The following PDGFRL variants were observed in gnomAD, a reference collection of about 807,000 sequenced individuals.
PDGFRL encodes platelet derived growth factor receptor like, also known as platelet-derived growth factor receptor-like protein.
A neutral mutation model predicts 37.2 loss-of-function variants in PDGFRL; 46 were observed. That is an observed-to-expected ratio of 1.24 (90% CI 0.98 to 1.58). The LOEUF (loss-of-function observed/expected upper bound fraction) is 1.58. Ranked by LOEUF, PDGFRL falls within the 40% of genes most tolerant of loss-of-function variation. PDGFRL has a pLI of 0.00. For synonymous variants in PDGFRL, 251 were observed against 184.3 expected, an observed-to-expected ratio of 1.36 and a Z score of -2.93; for missense variants, 692 against 467.6, an observed-to-expected ratio of 1.48 and a Z score of -4.43.
chr8:17,638,293 A>G (rs1201595940), intron 5 of PDGFRL, among the ~76,000 whole-genome samples: 1 of 152,058 alleles, frequency 6.6e-6, no homozygotes, highest in African/African-American at 2.4e-5. Flanking sequence ...TCGTGATTTC[A>G]TTCTTGACCC....
rs1554556121 is a variant in PDGFRL at position 17,639,048 on chromosome 8, C to CA, written c.940-3562dup. On this transcript the variant is annotated intron_variant, in intron 5 of 5. Transcript: ENST00000251630. ...TGGCCGACAGAGTGAGACTCTGTCT[C>CA]AAACAAAACAAAACAAACAAAAAGA... Among the ~76,000 whole-genome samples the CA allele has an allele frequency of 1.3e-3, 196 of 150,676 alleles. No individual in the cohort carries two copies. In the Middle Eastern group the frequency reaches 0.014, roughly 11 times the overall value.
intron 2 of PDGFRL, among the ~76,000 whole-genome samples, chr8:17,599,455 T>C (rs954922898): frequency 1.3e-5 from 2 of 152,214 alleles, no homozygotes; most frequent in African/African-American, 4.8e-5. Context: ...GCTCTGTCAT[T>C]TCTACTGAAC....
intron 2 of PDGFRL, among the ~76,000 whole-genome samples, chr8:17,592,093 T>G (rs912098569): frequency 6.6e-6 from 1 of 152,092 alleles, no homozygotes; most frequent in East Asian, 1.9e-4. Context: ...CTCCTCCCTC[T>G]CCCCCACACT....
At chr8:17,584,596 A>T (rs1377451824) in intron 1 of PDGFRL, among the ~76,000 whole-genome samples, 1 of 152,120 alleles carries the variant, frequency 6.6e-6, no homozygotes, top group African/African-American at 2.4e-5. Context: ...GGGTCCTGCG[A>T]GCCATGTGAA....
rs573144585 is a variant in PDGFRL at position 17,628,507 on chromosome 8, C to T, written c.526C>T (p.Pro176Ser). Reference sequence around the variant, plus strand: ...TGCAGAGAAAGGAGAACTCTTTGTACCTTCTCCCAGCTACTTCGATGTTGT... The same window carrying T: ...TGCAGAGAAAGGAGAACTCTTTGTATCTTCTCCCAGCTACTTCGATGTTGT... ...FFTEKGELFV[P>S]SPSYFDVVYL... Residue 176 changes from proline to serine, a missense_variant, in exon 4 of 6, where the codon CCT becomes TCT. Pro to Ser is a moderately conservative substitution (Grantham distance 74). Transcript: ENST00000251630. 6.2e-7 allele frequency: 1 copy of T among 1,613,590 alleles called. No homozygotes were observed. The highest frequency in any genetic ancestry group is 1.7e-5 in the Admixed American group (1 of 60,018).
At chr8:17,599,573 G>A (rs1292771020) in intron 2 of PDGFRL, among the ~76,000 whole-genome samples, 1 of 152,180 alleles carries the variant, frequency 6.6e-6, no homozygotes, top group Non-Finnish European at 1.5e-5. Flanking sequence ...GTCTGCACAT[G>A]GACCCTGAGG....
chr8:17,640,125 A>G (rs1285886798), intron 5 of PDGFRL, among the ~76,000 whole-genome samples: 1 of 152,154 alleles, frequency 6.6e-6, no homozygotes, highest in Non-Finnish European at 1.5e-5. Flanking sequence ...CATTTCCAGA[A>G]ATTATGATTG....
At chr8:17,592,914 ATG>A (rs1803972052) in intron 2 of PDGFRL, among the ~76,000 whole-genome samples, 1 of 4,564 alleles carries the variant, frequency 2.2e-4, no homozygotes, top group African/African-American at 2.5e-4. Flanking sequence ...ACCCACATAC[ATG>A]CACACACACA....
rs572494073 is a variant in PDGFRL, at chr8:17,642,604, G to C, written c.940-9G>C. On this transcript the variant is annotated splice_polypyrimidine_tract_variant and intron_variant, in intron 5 of 5. Coordinates refer to ENST00000251630, the MANE Select transcript of PDGFRL (RefSeq NM_001372073.1). ...TCTTGCTTCAGTCTTTGTGGGTGTC[G>C]TTAAACAGGATGAAAGGCCTGTGAC... The C allele has an allele frequency of 5.7e-6, 9 of 1,586,850 alleles. No homozygotes were observed. Among genetic ancestry groups the C allele is most frequent in the South Asian group, 1.1e-5 (1 of 90,428 alleles).
intron 2 of PDGFRL, among the ~76,000 whole-genome samples, chr8:17,599,216 G>A (rs1466660471): frequency 1.3e-5 from 2 of 152,072 alleles, no homozygotes; most frequent in African/African-American, 4.8e-5. Context: ...TGAGCCATCA[G>A]ATCCTGGTGC....
chr8:17,587,589 A>C (rs960702240), intron 1 of PDGFRL, among the ~76,000 whole-genome samples: 3 of 151,902 alleles, frequency 2.0e-5, no homozygotes, highest in Admixed American at 6.6e-5. Flanking sequence ...TGTCACCCAG[A>C]CTGCAGTGCA....
intron 1 of PDGFRL, among the ~76,000 whole-genome samples, chr8:17,585,175 T>G (rs1373948110): frequency 6.6e-6 from 1 of 152,150 alleles, no homozygotes; most frequent in Non-Finnish European, 1.5e-5. Context: ...GAGGTCACGT[T>G]CGTGGCCATC....
At position 17,591,687 on chromosome 8, in the gene PDGFRL, G is replaced by T. The variant is rs1053393021; in HGVS notation, c.353+1922G>T. Among the ~76,000 whole-genome samples the T allele has an allele frequency of 4.6e-5, 7 of 152,238 alleles. No homozygotes were observed. In the East Asian group the frequency reaches 1.4e-3, roughly 30 times the overall value. ...TCCCAGCACTTTGGGAGGCCAAGGCGGGCGGATCGTCATGAGGTCAAGAGA... is the reference window on the plus strand; with the variant it reads ...TCCCAGCACTTTGGGAGGCCAAGGCTGGCGGATCGTCATGAGGTCAAGAGA... On this transcript the variant is annotated intron_variant, in intron 2 of 5. Transcript: ENST00000251630.
chr8:17,606,047 C>T (rs963018365), intron 2 of PDGFRL, among the ~76,000 whole-genome samples: 2 of 152,094 alleles, frequency 1.3e-5, no homozygotes, highest in African/African-American at 4.8e-5. Context: ...GAGGGAGAGT[C>T]TGGAAGACAT....
Position 17,643,131 on chromosome 8 carries a change from G to GT in PDGFRL, c.*336dup, listed in dbSNP as rs1222655700. On this transcript the variant is annotated 3_prime_UTR_variant, in exon 6 of 6. Transcript: ENST00000251630. ...GTAAAAAATAAAAAGTGGGATAAGT[G>GT]TTTTTTAAGTTAAGTTGACTTAAAA... The GT allele has an allele frequency of 8.7e-6, 2 of 230,294 alleles. No individual in the cohort carries two copies. The highest frequency in any genetic ancestry group is 1.2e-4 in the East Asian group (1 of 8,536). 14.3% of individuals were successfully genotyped at this position (230,294 alleles called of 1,614,324 possible).
intron 2 of PDGFRL, among the ~76,000 whole-genome samples, chr8:17,616,519 CCA>C (rs1271829346): frequency 6.6e-6 from 1 of 152,160 alleles, no homozygotes. Context: ...ATGCCTTTCA[CCA>C]CAGTCTTCAG....
At chr8:17,633,288 T>C (rs1406716603) in intron 4 of PDGFRL, among the ~76,000 whole-genome samples, 2 of 152,174 alleles carry the variant, frequency 1.3e-5, no homozygotes, top group Non-Finnish European at 2.9e-5. Context: ...CAGTGGCTCA[T>C]ACCTTAATCC....
intron 3 of PDGFRL, among the ~76,000 whole-genome samples, chr8:17,623,888 C>CAT (rs1804683244): frequency 7.4e-6 from 1 of 134,424 alleles, no homozygotes; most frequent in African/African-American, 2.7e-5. Flanking sequence ...AAAAAAAATA[C>CAT]GGGCTCTCTT....
chr8:17,579,544 TTTATTATTATTG>T (rs199493081), intron 1 of PDGFRL, among the ~76,000 whole-genome samples: 30,962 of 130,196 alleles, frequency 0.24, 3,437 homozygotes, highest in Middle Eastern at 0.39. Flanking sequence ...TTATTATTAT[TTTATTATTATTG>T]TTATTATTAT....
Sources: allele counts gnomAD v4.1 joint callset (sites outside exome capture counted in the v4.1 genomes callset), GRCh38; gene constraint gnomAD v4.1.1; transcripts MANE v1.5; gene names NCBI Gene and HGNC (gene_info 2026-07-23, HGNC 2026-07-21).